Variants in IFT140 observed in about 807,000 individuals in gnomAD.
IFT140 encodes the protein intraflagellar transport 140, also known as intraflagellar transport protein 140 homolog.
Under a neutral mutation model 164.6 loss-of-function variants are expected in IFT140, and 133 were observed. The observed-to-expected ratio is 0.81, with a 90% CI of 0.70 to 0.93. The LOEUF (loss-of-function observed/expected upper bound fraction) is 0.93, where lower values mean the gene tolerates loss of function less well. Ranked by LOEUF, IFT140 falls within the 40% of genes least tolerant of loss-of-function variation. The pLI, the probability that IFT140 is intolerant of heterozygous loss-of-function variation, is 0.00. For missense variants in IFT140, 2,045 were observed against 1,972.3 expected (o/e 1.04, Z -0.70); for synonymous variants, 860 against 817.3 (o/e 1.05, Z -0.89).
In IFT140 at chr16:1,516,760, ACT is replaced by A. The variant is rs1176477424; in HGVS notation, c.4182+1454_4182+1455del. Among the ~76,000 whole-genome samples, 3 of 140,854 alleles carry A rather than the reference ACT, an allele frequency of 2.1e-5. No individual in the cohort carries two copies. In the East Asian group the frequency reaches 6.1e-4, roughly 29 times the overall value. The allele number at this position is 140,854 out of a possible 152,430, so 92.4% of individuals were successfully genotyped here. On this transcript the variant is annotated intron_variant, in intron 30 of 30. Coordinates refer to ENST00000426508, the MANE Select transcript of IFT140 (RefSeq NM_014714.4). Reference sequence around the variant, plus strand: ...ACTCCAGCCTGGGCGACAGAGCGACACTCTGTCTCAAAAAAAAAAAAAAAAAA... The same window carrying A: ...ACTCCAGCCTGGGCGACAGAGCGACACTGTCTCAAAAAAAAAAAAAAAAAA...
intron 2 of IFT140, among the ~76,000 whole-genome samples, chr16:1,609,383 A>C (rs2036231501): frequency 6.6e-6 from 1 of 152,074 alleles, no homozygotes; most frequent in Admixed American, 6.6e-5. Flanking sequence ...GAGCTCTCTC[A>C]GGGCTTGATG....
At chr16:1,522,654 C>T (rs979481044) in intron 26 of IFT140, among the ~76,000 whole-genome samples, 54 of 152,166 alleles carry the variant, frequency 3.5e-4, no homozygotes, top group African/African-American at 1.3e-3. Flanking sequence ...TCCTGGCCAA[C>T]GTGGTGGAAC....
At position 1,568,089 on chromosome 16, in the gene IFT140, G is replaced by A. The variant is rs188990799; in HGVS notation, c.1770+128C>T. The A allele has an allele frequency of 8.0e-4, 539 of 674,464 alleles. 6 individuals carry two copies. In the African/African-American group the frequency reaches 8.7e-3, roughly 11 times the overall value. The allele number at this position is 674,464 out of a possible 1,614,324, so 41.8% of individuals were successfully genotyped here. A position where few individuals can be genotyped will look rare whatever the true frequency, so the allele number is the denominator to read the frequency against. On this transcript the variant is annotated intron_variant, in intron 15 of 30. Coordinates refer to ENST00000426508, the MANE Select transcript of IFT140 (RefSeq NM_014714.4). ...CCGGGGAGACGAGGGGAAGGAGAGTGGGGCTGAACAGAACACAGGACAGGA... is the reference window on the plus strand; with the variant it reads ...CCGGGGAGACGAGGGGAAGGAGAGTAGGGCTGAACAGAACACAGGACAGGA...
intron 16 of IFT140, among the ~76,000 whole-genome samples, chr16:1,565,431 G>T (rs1369315609): frequency 6.6e-6 from 1 of 152,136 alleles, no homozygotes; most frequent in African/African-American, 2.4e-5. Flanking sequence ...GAGGCGGAAG[G>T]TGTGTGGGAG....
At chr16:1,597,494 G>T (rs1352210403) in intron 4 of IFT140, among the ~76,000 whole-genome samples, 1 of 152,226 alleles carries the variant, frequency 6.6e-6, no homozygotes, top group East Asian at 1.9e-4. Context: ...ACTTCAGCTG[G>T]TCTGGGCTGA....
chr16:1,583,690 A>C (rs752340668), intron 11 of IFT140, among the ~76,000 whole-genome samples: 67 of 149,678 alleles, frequency 4.5e-4, no homozygotes, highest in Non-Finnish European at 5.5e-4. Context: ...TTTATTGTTT[A>C]ACTGACATTT....
chr16:1,591,947 GC>G (rs2035202439), intron 6 of IFT140, among the ~76,000 whole-genome samples: 2 of 152,162 alleles, frequency 1.3e-5, no homozygotes, highest in South Asian at 4.1e-4. Context: ...TCAAACACAA[GC>G]AAAACTCAAC....
chr16:1,511,521 G>A (rs536418953), intron 30 of IFT140, among the ~76,000 whole-genome samples: 1 of 152,202 alleles, frequency 6.6e-6, no homozygotes, highest in South Asian at 2.1e-4. Context: ...CGAGTCTTGC[G>A]GGTGGACATG....
At chr16:1,517,989 C>T (rs1596294358) in intron 30 of IFT140, 1 of 413,544 alleles carries the variant, frequency 2.4e-6, no homozygotes, top group Non-Finnish European at 4.4e-6. Context: ...AGGTGTGAGC[C>T]ACCATGCCTG....
At chr16:1,587,143 C>T (rs759674478) in intron 9 of IFT140, 55 bp downstream of exon 9, 45 of 1,100,062 alleles carry the variant, frequency 4.1e-5, no homozygotes, top group Admixed American at 1.9e-4. Context: ...TTGCAGCCGG[C>T]GCACAATGCT....
At chr16:1,526,284 A>ACCCCACCTCCCACAGCCCCCCTCCCACAG in intron 20 of IFT140, 1 of 600,370 alleles carries the variant, frequency 1.7e-6, no homozygotes, top group Non-Finnish European at 2.9e-6. Flanking sequence ...ACCAAGGGGT[A>ACCCCACCTCCCACAGCCCCCCTCCCACAG]CCCCACCTCC....
chr16:1,602,673 G>A, intron 3 of IFT140, 82 bp from the exon 4 acceptor site: 6 of 1,303,998 alleles, frequency 4.6e-6, no homozygotes, highest in Admixed American at 3.7e-5. Flanking sequence ...CGGGCACGGC[G>A]GCTCACTCCT....
chr16:1,518,973 C>T (rs1015702197), intron 29 of IFT140, among the ~76,000 whole-genome samples: 4 of 152,252 alleles, frequency 2.6e-5, no homozygotes, highest in Middle Eastern at 3.4e-3. Context: ...TCCAGACAGG[C>T]GCCTGGCCTG....
intron 2 of IFT140, among the ~76,000 whole-genome samples, chr16:1,607,608 T>C (rs2036143163): frequency 1.3e-5 from 2 of 152,212 alleles, no homozygotes; most frequent in Non-Finnish European, 1.5e-5. Context: ...TCAGTAACTT[T>C]CATTCCAGTC....
chr16:1,544,190 T>C (rs1424558129), intron 19 of IFT140, among the ~76,000 whole-genome samples: 1 of 149,244 alleles, frequency 6.7e-6, no homozygotes, highest in South Asian at 2.1e-4. Context: ...ACTAATTTTT[T>C]TTTTTTTTTT....
At chr16:1,592,368 AC>A in intron 5 of IFT140, 50 bp from the exon 6 acceptor site, 1 of 1,612,348 alleles carries the variant, frequency 6.2e-7, no homozygotes, top group Non-Finnish European at 8.5e-7. Context: ...CTCCTACAGC[AC>A]CTCAGGGCTG....
intron 19 of IFT140, among the ~76,000 whole-genome samples, chr16:1,549,087 C>T (rs1402236158): frequency 6.6e-6 from 1 of 152,230 alleles, no homozygotes; most frequent in East Asian, 1.9e-4. Flanking sequence ...CACCGCATGC[C>T]TAGGGCCGCG....
chr16:1,585,160 A>G (rs55695276), intron 10 of IFT140, among the ~76,000 whole-genome samples: 6,718 of 152,356 alleles, frequency 0.044, 200 homozygotes, highest in South Asian at 0.065. Context: ...TCGTAACAGC[A>G]TTATTCAAAT....
At chr16:1,523,345 C>T (rs904699387) in intron 26 of IFT140, among the ~76,000 whole-genome samples, 173 bp downstream of exon 26, 1 of 152,154 alleles carries the variant, frequency 6.6e-6, no homozygotes, top group Non-Finnish European at 1.5e-5. Flanking sequence ...CGAGTCTACA[C>T]TTGCGGACCT....
Sources: gnomAD v4.1 joint callset for allele counts (sites outside exome capture counted in the v4.1 genomes callset) on GRCh38, gnomAD v4.1.1 for gene constraint, MANE v1.5 for transcripts, NCBI Gene and HGNC (gene_info 2026-07-23, HGNC 2026-07-21) for gene names.